The following AGO3 variants were observed in gnomAD, a reference collection of about 807,000 sequenced individuals.
The protein encoded by AGO3 is protein argonaute-3.
Under a neutral mutation model 105.5 loss-of-function variants are expected in AGO3, and 16 were observed. The observed-to-expected ratio is 0.15, with a 90% CI of 0.10 to 0.23. The LOEUF is 0.23. Among genes scored for constraint, AGO3 ranks in the 10% least tolerant of loss-of-function variants. AGO3 has a pLI of 1.00. For synonymous variants in AGO3, 340 were observed against 367.3 expected (o/e 0.93, Z 0.85); for missense variants, 534 against 1,088.0 (o/e 0.49, Z 7.16).
chr1:35,958,544 C>T (rs1442370409), intron 2 of AGO3, among the ~76,000 whole-genome samples: 6 of 151,800 alleles, frequency 4.0e-5, no homozygotes, highest in African/African-American at 1.5e-4. Context: ...TCCTGTAGTC[C>T]CAGCTACTCG....
At chr1:36,054,895 A>C in intron 17 of AGO3, 51 bp from the exon 18 acceptor site, 1 of 1,575,046 alleles carries the variant, frequency 6.3e-7, no homozygotes, top group Non-Finnish European at 8.7e-7. Context: ...AAACAAAACA[A>C]AACAAAAAGA....
intron 2 of AGO3, among the ~76,000 whole-genome samples, chr1:35,960,932 C>A: frequency 7.1e-6 from 1 of 141,778 alleles, no homozygotes; most frequent in African/African-American, 2.6e-5. Flanking sequence ...TGTTTCTTTT[C>A]TTTTTTTTTT....
At chr1:35,998,065 C>T (rs1349895425) in intron 5 of AGO3, among the ~76,000 whole-genome samples, 1 of 152,124 alleles carries the variant, frequency 6.6e-6, no homozygotes, top group East Asian at 1.9e-4. Context: ...GACCTTAATA[C>T]ATTCAGAGAT....
intron 1 of AGO3, among the ~76,000 whole-genome samples, chr1:35,937,869 T>C (rs1326735174): frequency 6.6e-6 from 1 of 152,198 alleles, no homozygotes; most frequent in Non-Finnish European, 1.5e-5. Flanking sequence ...AGTTCCATGC[T>C]GTTTACTACG....
At chr1:36,023,835 C>T (rs1641362190) in intron 11 of AGO3, among the ~76,000 whole-genome samples, 3 of 152,166 alleles carry the variant, frequency 2.0e-5, no homozygotes, top group South Asian at 2.1e-4. Flanking sequence ...TGGTTAAACT[C>T]CTTGTTTCAG....
At chr1:36,019,941 TG>T (rs1229182533) in intron 11 of AGO3, among the ~76,000 whole-genome samples, 1 of 152,192 alleles carries the variant, frequency 6.6e-6, no homozygotes, top group African/African-American at 2.4e-5. Context: ...GCTAATTTTT[TG>T]TATTTTTTAA....
intron 9 of AGO3, among the ~76,000 whole-genome samples, chr1:36,009,800 G>T (rs72661655): frequency 0.047 from 7,187 of 152,048 alleles, 258 homozygotes; most frequent in South Asian, 0.084. Flanking sequence ...TTAACCCTGA[G>T]CTTTTTAAGT....
Position 36,007,510 on chromosome 1 carries a change from A to G in AGO3, c.794-1180A>G, listed in dbSNP as rs540410065. Among the ~76,000 whole-genome samples, 131 of 152,314 alleles carry G rather than the reference A, an allele frequency of 8.6e-4. 1 individual carries two copies. Among genetic ancestry groups the G allele is most frequent in the African/African-American group, 3.1e-3 (129 of 41,580 alleles). ...TCTGGAGTTCAAGACCAGCCTGGCC[A>G]ACATGGCGAAACCCCATCTCTACTA... On this transcript the variant is annotated intron_variant, in intron 6 of 18. Transcript: ENST00000373191.
At chr1:36,050,036 T>C (rs756940182) in intron 17 of AGO3, among the ~76,000 whole-genome samples, 1 of 152,112 alleles carries the variant, frequency 6.6e-6, no homozygotes, top group Admixed American at 6.6e-5. Context: ...AAAGAAACAT[T>C]GGATTTAAAA....
intron 9 of AGO3, among the ~76,000 whole-genome samples, chr1:36,011,364 T>C (rs936356192): frequency 1.3e-5 from 2 of 152,166 alleles, no homozygotes; most frequent in Non-Finnish European, 2.9e-5. Flanking sequence ...CTTTTTTTTT[T>C]CCTTATTGAC....
intron 5 of AGO3, among the ~76,000 whole-genome samples, chr1:35,993,970 T>C (rs2148797262): frequency 6.8e-6 from 1 of 147,902 alleles, no homozygotes; most frequent in African/African-American, 2.5e-5. Flanking sequence ...TGTCTCAAAC[T>C]CCTGACCTTA....
chr1:36,059,671 A>T lies in AGO3; in HGVS notation c.*3926A>T, dbSNP rs181301562. On this transcript the variant is annotated 3_prime_UTR_variant, in exon 19 of 19. Transcript: ENST00000373191. ...TATATCACAGTATCAGGTTACTGGCATGGAGGACCATACACTTACAATATT... is the reference window on the plus strand; with the variant it reads ...TATATCACAGTATCAGGTTACTGGCTTGGAGGACCATACACTTACAATATT... 6.4e-4 allele frequency: 98 copies of T among 152,130 alleles called. No individual in the cohort carries two copies. Among genetic ancestry groups the T allele is most frequent in the African/African-American group, 2.3e-3 (95 of 41,508 alleles). The allele number at this position is 152,130 out of a possible 1,614,324, so 9.4% of individuals were successfully genotyped here.
chr1:36,052,327 G>A (rs916885226), intron 17 of AGO3, among the ~76,000 whole-genome samples: 10 of 152,080 alleles, frequency 6.6e-5, no homozygotes, highest in Admixed American at 2.0e-4. Context: ...GATATATACT[G>A]CATGATCTCA....
intron 4 of AGO3, among the ~76,000 whole-genome samples, chr1:35,972,986 C>G (rs763314954): frequency 3.3e-5 from 5 of 151,200 alleles, no homozygotes; most frequent in Non-Finnish European, 7.4e-5. Context: ...TGTGAGCCCC[C>G]ACACCTGACT....
intron 1 of AGO3, among the ~76,000 whole-genome samples, chr1:35,938,864 C>T (rs1646202135): frequency 6.6e-6 from 1 of 151,670 alleles, no homozygotes; most frequent in Non-Finnish European, 1.5e-5. Flanking sequence ...TTTCATCAGT[C>T]ACATTTGCTG....
chr1:36,054,949 A>G lies in AGO3; in HGVS notation c.2278A>G (p.Thr760Ala), dbSNP rs1263448049. ...TATGTCATTGCCTTCTCTATAGGGT[A>G]CCAGTCGTCCTTCACACTATCATGT... ...YLCSHAGIQG[T>A]SRPSHYHVLW... The change falls in exon 18 of 19, where the codon ACC becomes GCC. Residue 760 changes from threonine to alanine, a missense_variant. By Grantham distance (58) the Thr-to-Ala change is moderately conservative (BLOSUM62 0). This residue lies in a region of AGO3 where 373 missense variants were observed against 854.0 expected (regional missense o/e 0.44). Coordinates refer to ENST00000373191, the MANE Select transcript of AGO3 (RefSeq NM_024852.4). 6.2e-7 allele frequency: 1 copy of G among 1,613,830 alleles called. No individual in the cohort carries two copies. The highest frequency in any genetic ancestry group is 8.5e-7 in the Non-Finnish European group (1 of 1,179,700).
chr1:36,016,272 C>G (rs759999370), intron 11 of AGO3, among the ~76,000 whole-genome samples: 11 of 152,198 alleles, frequency 7.2e-5, no homozygotes, highest in Admixed American at 2.6e-4. Context: ...ACCTCCGCCT[C>G]TCAGGTTCAA....
intron 5 of AGO3, among the ~76,000 whole-genome samples, chr1:35,981,472 A>G (rs1487967603): frequency 6.6e-6 from 1 of 152,186 alleles, no homozygotes; most frequent in Non-Finnish European, 1.5e-5. Flanking sequence ...TTTAAGTAAT[A>G]TGAACTACCA....
chr1:35,976,537 G>GA (rs1335989800), intron 5 of AGO3, among the ~76,000 whole-genome samples: 1 of 152,104 alleles, frequency 6.6e-6, no homozygotes, highest in Non-Finnish European at 1.5e-5. Context: ...AAATAGTAGT[G>GA]ATTAATGTGC....
Sources: allele counts gnomAD v4.1 joint callset (sites outside exome capture counted in the v4.1 genomes callset), GRCh38; gene constraint gnomAD v4.1.1; regional missense constraint gnomAD v4.1.1; transcripts MANE v1.5; gene names NCBI Gene and HGNC (gene_info 2026-07-23, HGNC 2026-07-21).